Variants in DNAH10 observed in about 807,000 individuals in gnomAD.
DNAH10 encodes dynein axonemal heavy chain 10, also known as axonemal beta dynein heavy chain 10.
A neutral mutation model predicts 506.6 loss-of-function variants in DNAH10; 348 were observed. That is an observed-to-expected ratio of 0.69 (90% CI 0.63 to 0.75). The LOEUF (loss-of-function observed/expected upper bound fraction) is 0.75. Ranked by LOEUF, DNAH10 falls within the 30% of genes least tolerant of loss-of-function variation. The pLI is 0.00. For synonymous variants in DNAH10, 2,059 were observed against 2,198.6 expected, an observed-to-expected ratio of 0.94 and a Z score of 1.78; for missense variants, 5,179 against 5,787.1, an observed-to-expected ratio of 0.89 and a Z score of 3.41.
rs749051618 is a variant in DNAH10, at chr12:123,805,048, C to A, written c.2987+8C>A. On this transcript the variant is annotated splice_region_variant and intron_variant, in intron 18 of 78. Transcript: ENST00000673944. ...GACAAAGCTCATCCTGAAGTAAGTT[C>A]ATCTTGTTGCATGCTTTAAAATGGT... 5.0e-6 allele frequency: 8 copies of A among 1,613,238 alleles called. No individual in the cohort carries two copies. Among genetic ancestry groups the A allele is most frequent in the Non-Finnish European group, 6.8e-6 (8 of 1,179,444 alleles).
At chr12:123,813,067 C>A in intron 19 of DNAH10, 97 bp from the exon 20 acceptor site, 2 of 799,218 alleles carry the variant, frequency 2.5e-6, no homozygotes, top group Non-Finnish European at 3.9e-6. Context: ...AGTGATTTTC[C>A]ATTACTGGCA....
At chr12:123,857,637 A>G (rs532914757) in intron 37 of DNAH10, among the ~76,000 whole-genome samples, 40 of 152,356 alleles carry the variant, frequency 2.6e-4, no homozygotes, top group Non-Finnish European at 5.1e-4. Context: ...CTGAGGCGAG[A>G]GAATTGCTGG....
In DNAH10 at chr12:123,762,301, G is replaced by A. The variant is rs1387387292; in HGVS notation, c.-36G>A. The A allele has an allele frequency of 8.1e-6, 10 of 1,231,834 alleles. No individual in the cohort carries two copies. The highest frequency in any genetic ancestry group is 1.0e-5 in the Non-Finnish European group (10 of 987,146). 76.3% of individuals were successfully genotyped at this position (1,231,834 alleles called of 1,614,324 possible). ...AGGGCCGCCGTTGCCACGGACGCCC[G>A]CCCTGCGCCCGGCTCCCTCTGCACT... is the stretch of plus-strand genomic sequence containing the variant. On this transcript the variant is annotated 5_prime_UTR_variant, in exon 1 of 79. Coordinates refer to ENST00000673944, the MANE Select transcript of DNAH10 (RefSeq NM_001372106.1). The surrounding 1 kb of genome is among the most constrained non-coding windows in gnomAD (Gnocchi z 5.0).
chr12:123,899,437 C>G (rs1015868212), intron 56 of DNAH10, among the ~76,000 whole-genome samples: 4 of 152,154 alleles, frequency 2.6e-5, no homozygotes, highest in Non-Finnish European at 1.5e-5. Flanking sequence ...GCTCAACCTG[C>G]CTGCCTCTTC....
At chr12:123,767,509 A>G in intron 1 of DNAH10, 97 bp from the exon 2 acceptor site, 1 of 1,200,394 alleles carries the variant, frequency 8.3e-7, no homozygotes, top group Non-Finnish European at 1.2e-6. Context: ...TGGGCCACAT[A>G]CCAACCCCTT....
intron 52 of DNAH10, among the ~76,000 whole-genome samples, chr12:123,891,615 C>T (rs1254908482): frequency 4.6e-5 from 7 of 151,178 alleles, no homozygotes; most frequent in African/African-American, 9.7e-5. Context: ...GGCAGAGCCC[C>T]GGGAGGAAGA....
intron 2 of DNAH10, among the ~76,000 whole-genome samples, chr12:123,769,171 A>T (rs978257263): frequency 1.3e-5 from 2 of 151,892 alleles, no homozygotes; most frequent in South Asian, 2.1e-4. Flanking sequence ...TTGGAGACGA[A>T]GTGTTGCTCT....
intron 21 of DNAH10, among the ~76,000 whole-genome samples, chr12:123,818,279 C>G (rs937866354): frequency 6.6e-6 from 1 of 151,826 alleles, no homozygotes; most frequent in Non-Finnish European, 1.5e-5. Context: ...TGATTTTATA[C>G]TGATTTTATT....
Position 123,784,016 on chromosome 12 carries a change from C to A in DNAH10, c.1069C>A (p.Gln357Lys), listed in dbSNP as rs756871553. 1 of 1,614,200 alleles carries A rather than the reference C, an allele frequency of 6.2e-7. No homozygotes were observed. The highest frequency in any genetic ancestry group is 8.5e-7 in the Non-Finnish European group (1 of 1,180,032). Residue 357 changes from glutamine to lysine, a missense_variant, in exon 8 of 79, where the codon CAA becomes AAA. By Grantham distance (53) the Gln-to-Lys change is moderately conservative. Coordinates refer to ENST00000673944, the MANE Select transcript of DNAH10 (RefSeq NM_001372106.1). Reference protein sequence around the residue: ...RNATLSALHEQTKLPIVRKVL... With the variant: ...RNATLSALHEKTKLPIVRKVL... ...TGCAACCTTAAGTGCGCTGCATGAACAAACAAAGCTTCCAATAGTCAGAAA... is the reference window on the plus strand; with the variant it reads ...TGCAACCTTAAGTGCGCTGCATGAAAAAACAAAGCTTCCAATAGTCAGAAA...
Position 123,846,609 on chromosome 12 carries a change from T to A in DNAH10, c.5814+455T>A, listed in dbSNP as rs1477414351. On this transcript the variant is annotated intron_variant, in intron 32 of 78. Transcript: ENST00000673944. The surrounding 1 kb of genome is among the most constrained non-coding windows in gnomAD (Gnocchi z 4.5). Reference sequence around the variant, plus strand: ...GATAACACTTCCATCCAGGCAGAGCTTGGGAAGGTTTGCAAGCAACCCCCA... The same window carrying A: ...GATAACACTTCCATCCAGGCAGAGCATGGGAAGGTTTGCAAGCAACCCCCA... Among the ~76,000 whole-genome samples, 1 of 152,186 alleles carries A rather than the reference T, an allele frequency of 6.6e-6. No homozygotes were observed. Among genetic ancestry groups the A allele is most frequent in the Non-Finnish European group, 1.5e-5 (1 of 68,038 alleles).
chr12:123,794,177 A>G (rs1958190402), intron 12 of DNAH10, 65 bp downstream of exon 12: 2 of 1,034,150 alleles, frequency 1.9e-6, no homozygotes, highest in Non-Finnish European at 1.2e-6. Flanking sequence ...GAACAATTGA[A>G]TCCCACTATT....
rs1474774682 is a variant in DNAH10, at chr12:123,767,636, A to G, written c.245A>G (p.Glu82Gly). Residue 82 changes from glutamate (E) to glycine (G), a missense_variant, in exon 2 of 79, where the codon GAA (glutamate) becomes GGA (glycine). Glu to Gly is a moderately conservative substitution (Grantham distance 98, BLOSUM62 -2). Around this residue, in one of 3 missense-constraint regions of DNAH10, gnomAD observed 326 missense variants for 330.8 expected, o/e 0.99. Coordinates refer to ENST00000673944, the MANE Select transcript of DNAH10 (RefSeq NM_001372106.1). ...ATACCTGTCCTGTCTGAAGAGGGAG[A>G]AGAGGAAGAAGAGACTTATTCTCAA... is the stretch of plus-strand genomic sequence containing the variant. ...DEIPVLSEEG[E>G]EEEETYSQKV... 5 of 1,612,880 alleles carry G rather than the reference A, an allele frequency of 3.1e-6. No individual in the cohort carries two copies. The highest frequency in any genetic ancestry group is 3.4e-6 in the Non-Finnish European group (4 of 1,179,378).
intron 23 of DNAH10, among the ~76,000 whole-genome samples, chr12:123,819,472 T>C (rs913915997): frequency 2.6e-5 from 4 of 151,340 alleles, no homozygotes; most frequent in Middle Eastern, 7.0e-3. Flanking sequence ...CCCGAAGGTG[T>C]TGAGAGAAGT....
Position 123,873,681 on chromosome 12 carries a change from G to A in DNAH10, c.7909G>A (p.Val2637Met), listed in dbSNP as rs373980134. The A allele has an allele frequency of 4.3e-6, 7 of 1,612,308 alleles. No individual in the cohort carries two copies. The highest frequency in any genetic ancestry group is 1.3e-5 in the African/African-American group (1 of 75,026). Reference protein sequence around the residue: ...YGPPMGKRLLVFMDDMNMPRV... With the variant: ...YGPPMGKRLLMFMDDMNMPRV... Reference sequence around the variant, plus strand: ...CCCACCCATGGGAAAACGCCTGCTGGTGTTCATGGATGACATGAATATGCC... The same window carrying A: ...CCCACCCATGGGAAAACGCCTGCTGATGTTCATGGATGACATGAATATGCC... The change falls in exon 46 of 79, where the codon GTG (valine) becomes ATG (methionine). Residue 2637 changes from valine to methionine, a missense_variant. Physicochemically the swap from Val to Met is conservative, Grantham distance 21. This residue lies in a region of DNAH10 where 4,844 missense variants were observed against 5,430.5 expected (regional missense o/e 0.89). Transcript: ENST00000673944.
chr12:123,779,740 G>A (rs1957574679), intron 5 of DNAH10, among the ~76,000 whole-genome samples: 2 of 152,160 alleles, frequency 1.3e-5, no homozygotes, highest in Non-Finnish European at 2.9e-5. Flanking sequence ...ACTGCACAGT[G>A]AGTGTGTAGT....
chr12:123,922,560 T>C (rs1954775702), intron 65 of DNAH10, among the ~76,000 whole-genome samples: 1 of 152,178 alleles, frequency 6.6e-6, no homozygotes, highest in South Asian at 2.1e-4. Context: ...GGTGTATTAG[T>C]TTGCCATGCC....
At chr12:123,912,369 T>C (rs1449245859) in intron 59 of DNAH10, among the ~76,000 whole-genome samples, 5 of 31,176 alleles carry the variant, frequency 1.6e-4, no homozygotes, top group Non-Finnish European at 2.3e-4. Context: ...GGGTCTGTCC[T>C]GGGGGGTCTG....
intron 45 of DNAH10, among the ~76,000 whole-genome samples, chr12:123,872,850 A>G (rs1021907886): frequency 1.3e-5 from 2 of 152,208 alleles, no homozygotes; most frequent in Non-Finnish European, 2.9e-5. Flanking sequence ...GATCTACCAA[A>G]TTGGAAACTC....
Position 123,803,690 on chromosome 12 carries a change from C to T in DNAH10, c.2644C>T (p.Gln882Ter), listed in dbSNP as rs1382925317. 6.2e-7 allele frequency: 1 copy of T among 1,605,254 alleles called. No homozygotes were observed. The highest frequency in any genetic ancestry group is 8.5e-7 in the Non-Finnish European group (1 of 1,177,976). ...CGGTGACTATATAACTGGTTGCAAA[C>T]AGGCCATTGGGAAATTTGAGTCTCT... ...GIGDYITGCK[Q>*]AIGKFESLVH... The change falls in exon 17 of 79, where the codon CAG becomes TAG. Residue 882 changes from glutamine (Q) to a stop codon, truncating the protein, a stop_gained. Transcript: ENST00000673944. LOFTEE classifies it high-confidence loss of function.
Sources: gnomAD v4.1 joint callset for allele counts (sites outside exome capture counted in the v4.1 genomes callset) on GRCh38, gnomAD v4.1.1 for gene constraint, gnomAD v4.1.1 regional missense constraint, Gnocchi (gnomAD v3.1) non-coding constraint, MANE v1.5 for transcripts, NCBI Gene and HGNC (gene_info 2026-07-23, HGNC 2026-07-21) for gene names.